CACNA2D3: variants seen among roughly 807,000 people sequenced by gnomAD.
The protein encoded by CACNA2D3 is voltage-dependent calcium channel subunit alpha-2/delta-3.
Under a neutral mutation model 160.6 loss-of-function variants are expected in CACNA2D3, and 60 were observed. That is an observed-to-expected ratio of 0.37 (90% CI 0.30 to 0.46). The LOEUF (loss-of-function observed/expected upper bound fraction) is 0.46. Among genes scored for constraint, CACNA2D3 ranks in the 20% least tolerant of loss-of-function variants. CACNA2D3 has a pLI of 1.00. For missense variants in CACNA2D3, 1,205 were observed against 1,365.0 expected (o/e 0.88, Z 1.85); for synonymous variants, 558 against 492.9 (o/e 1.13, Z -1.75).
intron 2 of CACNA2D3, among the ~76,000 whole-genome samples, chr3:54,146,223 T>G (rs573613611): frequency 6.6e-6 from 1 of 152,206 alleles, no homozygotes; most frequent in Admixed American, 6.5e-5. Context: ...CTCCTGGGAC[T>G]TTCTTGAAGG....
chr3:54,253,435 G>A (rs1052169228), intron 2 of CACNA2D3, among the ~76,000 whole-genome samples: 1 of 152,108 alleles, frequency 6.6e-6, no homozygotes, highest in Non-Finnish European at 1.5e-5. Flanking sequence ...GCAGGAGCCA[G>A]AGAGAGAGTG....
intron 2 of CACNA2D3, among the ~76,000 whole-genome samples, chr3:54,305,833 T>C (rs1053038879): frequency 6.6e-6 from 1 of 152,260 alleles, no homozygotes; most frequent in African/African-American, 2.4e-5. Context: ...CAAATGTAGA[T>C]GACAAGCCAC....
At chr3:54,797,440 G>A (rs1159646671) in intron 13 of CACNA2D3, among the ~76,000 whole-genome samples, 1 of 152,082 alleles carries the variant, frequency 6.6e-6, no homozygotes, top group Non-Finnish European at 1.5e-5. Flanking sequence ...TCTTTAGGGA[G>A]GCCTCTCTAC....
Position 54,450,121 on chromosome 3 carries a change from A to G in CACNA2D3, c.382-53371A>G, listed in dbSNP as rs954814367. ...TGCCACTGATTGGCTCTGGGGAACT[A>G]GGTGAGTCTCTGCCTGTATTAATTT... On this transcript the variant is annotated intron_variant, in intron 4 of 37. Coordinates refer to ENST00000474759, the MANE Select transcript of CACNA2D3 (RefSeq NM_018398.3). Among the ~76,000 whole-genome samples the G allele has an allele frequency of 2.0e-5, 3 of 152,190 alleles. No homozygotes were observed. The East Asian group carries it at 5.8e-4, about 29-fold the overall frequency.
chr3:54,141,837 G>C (rs918739962), intron 2 of CACNA2D3, among the ~76,000 whole-genome samples: 9 of 152,136 alleles, frequency 5.9e-5, no homozygotes, highest in African/African-American at 2.2e-4. Context: ...TTATTCATTC[G>C]TTTATTCAAC....
intron 17 of CACNA2D3, among the ~76,000 whole-genome samples, chr3:54,851,102 T>C (rs1292192624): frequency 6.6e-6 from 1 of 152,208 alleles, no homozygotes; most frequent in Non-Finnish European, 1.5e-5. Flanking sequence ...TATTTGTTTG[T>C]TGTTGTTGGT....
intron 14 of CACNA2D3, among the ~76,000 whole-genome samples, chr3:54,821,265 A>G (rs1703584361): frequency 6.6e-6 from 1 of 152,236 alleles, no homozygotes; most frequent in African/African-American, 2.4e-5. Context: ...TCCTGTTTGG[A>G]ACAGCAATTG....
intron 11 of CACNA2D3, among the ~76,000 whole-genome samples, chr3:54,671,627 G>A (rs1700163513): frequency 6.6e-6 from 1 of 152,062 alleles, no homozygotes; most frequent in Non-Finnish European, 1.5e-5. Flanking sequence ...GAGGTTCGTG[G>A]TCTCTGCACG....
At chr3:54,455,892 T>G (rs1045067321) in intron 4 of CACNA2D3, among the ~76,000 whole-genome samples, 7 of 152,168 alleles carry the variant, frequency 4.6e-5, no homozygotes, top group Non-Finnish European at 1.0e-4. Context: ...TCCATATAAC[T>G]GGATTTATTT....
intron 2 of CACNA2D3, among the ~76,000 whole-genome samples, chr3:54,241,097 C>G (rs1237628254): frequency 6.6e-6 from 1 of 152,210 alleles, no homozygotes; most frequent in African/African-American, 2.4e-5. Context: ...CAAAATAGAA[C>G]TTGAATCCAG....
chr3:54,538,964 A>T (rs1209403300), intron 5 of CACNA2D3, among the ~76,000 whole-genome samples: 1 of 152,208 alleles, frequency 6.6e-6, no homozygotes, highest in African/African-American at 2.4e-5. Flanking sequence ...TCTGCTGCTA[A>T]CTGTGTGACC....
chr3:54,204,816 A>G (rs1187318992), intron 2 of CACNA2D3, among the ~76,000 whole-genome samples: 1 of 150,266 alleles, frequency 6.7e-6, no homozygotes, highest in African/African-American at 2.4e-5. Flanking sequence ...AAAAAAAAAA[A>G]AAAAGAAAAA....
At chr3:54,194,956 C>A (rs1376425091) in intron 2 of CACNA2D3, among the ~76,000 whole-genome samples, 1 of 152,226 alleles carries the variant, frequency 6.6e-6, no homozygotes, top group African/African-American at 2.4e-5. Context: ...GTGAAAGGGC[C>A]TCCTGCCTGG....
intron 27 of CACNA2D3, chr3:54,927,836 A>T: frequency 6.6e-7 from 1 of 1,523,852 alleles, no homozygotes; most frequent in South Asian, 1.1e-5. Context: ...TCCCGCAGAT[A>T]CCTTTGTGAG....
At chr3:54,876,573 A>G (rs958737617) in intron 18 of CACNA2D3, among the ~76,000 whole-genome samples, 1 of 152,254 alleles carries the variant, frequency 6.6e-6, no homozygotes, top group African/African-American at 2.4e-5. Context: ...TGATTTTTAT[A>G]TTAATGCTAT....
At chr3:54,377,087 A>G (rs746269362) in intron 3 of CACNA2D3, among the ~76,000 whole-genome samples, 1 of 152,234 alleles carries the variant, frequency 6.6e-6, no homozygotes, top group Non-Finnish European at 1.5e-5. Context: ...CACACTCACC[A>G]TCCTGTCCAG....
chr3:54,553,300 T>G (rs1702189544), intron 5 of CACNA2D3, among the ~76,000 whole-genome samples: 1 of 152,236 alleles, frequency 6.6e-6, no homozygotes. Context: ...TTAGAATGAA[T>G]GGGAGAGATG....
chr3:54,165,332 AC>A lies in CACNA2D3; in HGVS notation c.204+41740del, dbSNP rs1390491785. Among the ~76,000 whole-genome samples, 32 of 152,042 alleles carry A rather than the reference AC, an allele frequency of 2.1e-4. No homozygotes were observed. In the South Asian group the frequency reaches 4.0e-3, roughly 19 times the overall value. The stretch of plus-strand genomic sequence containing the variant: ...GTGGTGGAACTGTCCCTGACTGAGG[AC>A]CACTGAACTAGCTTACCCTAAACTT... On this transcript the variant is annotated intron_variant, in intron 2 of 37. Transcript: ENST00000474759.
chr3:54,802,575 C>A (rs1410066252), intron 13 of CACNA2D3, among the ~76,000 whole-genome samples: 1 of 152,022 alleles, frequency 6.6e-6, no homozygotes, highest in Admixed American at 6.6e-5. Context: ...TGGTGTGTAC[C>A]TAAGAGATAC....
Sources: allele counts gnomAD v4.1 joint callset (sites outside exome capture counted in the v4.1 genomes callset), GRCh38; gene constraint gnomAD v4.1.1; transcripts MANE v1.5; gene names NCBI Gene and HGNC (gene_info 2026-07-23, HGNC 2026-07-21).